Variants in GRAMD1A observed in about 807,000 individuals in gnomAD.
GRAMD1A encodes the protein GRAM domain containing 1A, also known as protein Aster-A.
Under a neutral mutation model 92.0 loss-of-function variants are expected in GRAMD1A, and 50 were observed. That is an observed-to-expected ratio of 0.54 (90% confidence interval 0.43 to 0.69). The LOEUF is 0.69. Ranked by LOEUF, GRAMD1A falls within the 30% of genes least tolerant of loss-of-function variation. GRAMD1A has a pLI of 0.00. For synonymous variants in GRAMD1A, 405 were observed against 403.6 expected (o/e 1.00, Z -0.04); for missense variants, 819 against 978.9 (o/e 0.84, Z 2.18).
chr19:35,003,252 G>A (rs2014545579), intron 1 of GRAMD1A, among the ~76,000 whole-genome samples: 1 of 152,086 alleles, frequency 6.6e-6, no homozygotes, highest in Admixed American at 6.6e-5. Context: ...GACACCTACT[G>A]TGTGACAATC....
At position 35,026,155 on chromosome 19, in the gene GRAMD1A, G is replaced by A. The variant is rs749266597; in HGVS notation, c.*14G>A. 3.8e-5 allele frequency: 52 copies of A among 1,361,330 alleles called. No individual in the cohort carries two copies. Among genetic ancestry groups the A allele is most frequent in the South Asian group, 1.0e-4 (9 of 86,194 alleles). 84.3% of individuals were successfully genotyped at this position (1,361,330 alleles called of 1,614,324 possible). On this transcript the variant is annotated 3_prime_UTR_variant, in exon 20 of 20. Transcript: ENST00000317991. The stretch of plus-strand genomic sequence containing the variant: ...AGCTTTTCCTGAGGACCCCGGCCAC[G>A]CAGCTGTTCCCCCACATGGACAGAT...
chr19:35,015,441 T>C (rs12610239), intron 10 of GRAMD1A: 27,018 of 170,458 alleles, frequency 0.16, 2,931 homozygotes, highest in African/African-American at 0.31. Context: ...AACTTGAGAG[T>C]GTGCCTGCCC....
In GRAMD1A at chr19:35,025,490, G is replaced by A. The variant is rs962601352; in HGVS notation, c.2083-559G>A. Among the ~76,000 whole-genome samples the A allele has an allele frequency of 9.9e-5, 15 of 152,212 alleles. No homozygotes were observed. In the East Asian group the frequency reaches 1.7e-3, roughly 18 times the overall value. ...AACTCCTGACCTTAAGTGATCCACC[G>A]GTCTCAGCCTCCCAAAGTGCTGAGA... On this transcript the variant is annotated intron_variant, in intron 19 of 19. Transcript: ENST00000317991.
Position 35,009,215 on chromosome 19 carries a change from A to G in GRAMD1A, c.105A>G (p.Pro35=), listed in dbSNP as rs764836663. The part of the protein sequence containing the change: ...LLPPSRPPPE[P]EPGTMVEKGS... ...CCCCAAGCCGGCCCCCACCTGAGCC[A>G]GAACCAGGCACCATGGTGGAGAAGG... The change falls in exon 2 of 20, where the codon CCA becomes CCG. Residue 35 remains proline, a synonymous_variant. Transcript: ENST00000317991. 1.2e-6 allele frequency: 2 copies of G among 1,613,686 alleles called. No homozygotes were observed. The highest frequency in any genetic ancestry group is 2.2e-5 in the South Asian group (2 of 91,080).
intron 10 of GRAMD1A, chr19:35,014,762 A>G (rs553891906): frequency 1.5e-4 from 37 of 254,314 alleles, no homozygotes; most frequent in Non-Finnish European, 2.6e-4. Flanking sequence ...GTGATGGCTC[A>G]CACCTGTAAT....
intron 11 of GRAMD1A, among the ~76,000 whole-genome samples, chr19:35,018,643 G>A (rs2015813916): frequency 6.6e-6 from 1 of 152,210 alleles, no homozygotes; most frequent in Admixed American, 6.5e-5. Flanking sequence ...ACCAGATGGG[G>A]AGACTGAGGC....
At chr19:35,020,460 C>T (rs2151731450) in intron 13 of GRAMD1A, among the ~76,000 whole-genome samples, 1 of 152,156 alleles carries the variant, frequency 6.6e-6, no homozygotes, top group East Asian at 1.9e-4. Context: ...ATCACTTGAA[C>T]CTAGGAGGTG....
rs1423776031 is a variant in GRAMD1A at position 35,000,547 on chromosome 19, G to A, written c.8+61G>A. ...GCGCGGGGGAGGCCACCGGAGGGAG[G>A]GGGCGCCGCGGGCTTGGGGAGGGGG... On this transcript the variant is annotated intron_variant, in intron 1 of 19. Coordinates refer to ENST00000317991, the MANE Select transcript of GRAMD1A (RefSeq NM_020895.5). This position sits in a 1 kb window ranked among gnomAD's most constrained non-coding sequence, Gnocchi z 4.9. 1 of 1,216,572 alleles carries A rather than the reference G, an allele frequency of 8.2e-7. No homozygotes were observed. Among genetic ancestry groups the A allele is most frequent in the Non-Finnish European group, 1.0e-6 (1 of 965,948 alleles). The allele number at this position is 1,216,572 out of a possible 1,614,324, so 75.4% of individuals were successfully genotyped here.
In GRAMD1A at chr19:35,011,488, C is replaced by T; in HGVS notation, c.540C>T (p.Ser180=). 1.2e-6 allele frequency: 2 copies of T among 1,610,588 alleles called. No homozygotes were observed. The highest frequency in any genetic ancestry group is 1.1e-5 in the South Asian group (1 of 91,050). ...CTCCCTGACAGCATTTCTTCACTTCCTTTGGGGCCCGTGACCGCTGCTTCC... is the reference window on the plus strand; with the variant it reads ...CTCCCTGACAGCATTTCTTCACTTCTTTTGGGGCCCGTGACCGCTGCTTCC... The part of the protein sequence containing the change: ...CTESEKHFFT[S]FGARDRCFLL... Residue 180 remains serine, a synonymous_variant, in exon 7 of 20, where the codon TCC becomes TCT. Coordinates refer to ENST00000317991, the MANE Select transcript of GRAMD1A (RefSeq NM_020895.5).
rs1568338910 is a variant in GRAMD1A, at chr19:35,021,822, C to G, written c.1711C>G (p.Pro571Ala). The G allele has an allele frequency of 6.2e-7, 1 of 1,607,862 alleles. No individual in the cohort carries two copies. The highest frequency in any genetic ancestry group is 2.2e-5 in the East Asian group (1 of 44,778). The change falls in exon 15 of 20, where the codon CCA becomes GCA. Residue 571 changes from proline to alanine, a missense_variant. Pro to Ala is a conservative substitution (Grantham distance 27). Transcript: ENST00000317991. The surrounding 1 kb of genome is among the most constrained non-coding windows in gnomAD (Gnocchi z 5.3). ...WRAHGDGPQH[P>A]DPDPCARAGI... ...GGCTCACGGGGACGGGCCCCAGCAC[C>G]CAGATCCTGACCCCTGTGCCCGGGC... is the stretch of plus-strand genomic sequence containing the variant.
At chr19:34,996,046 G>A, upstream of GRAMD1A, 1 of 1,535,658 alleles carries the variant, frequency 6.5e-7, no homozygotes, top group South Asian at 1.2e-5. Context: ...TGCCCCTGAT[G>A]CCTTGGGAGA....
chr19:35,002,793 G>A (rs190051988), intron 1 of GRAMD1A: 148 of 152,542 alleles, frequency 9.7e-4, no homozygotes, highest in Admixed American at 1.7e-3. Flanking sequence ...GGATGTGTTG[G>A]CTGACCGTGG....
intron 7 of GRAMD1A, among the ~76,000 whole-genome samples, chr19:35,012,520 C>T (rs1192391956): frequency 6.6e-6 from 1 of 152,214 alleles, no homozygotes; most frequent in Non-Finnish European, 1.5e-5. Flanking sequence ...CCCGAGGACA[C>T]CTGGGAAAAG....
chr19:35,020,014 ACAGCAG>A (rs2015936181), intron 13 of GRAMD1A, among the ~76,000 whole-genome samples: 3 of 141,972 alleles, frequency 2.1e-5, no homozygotes, highest in African/African-American at 9.4e-5. Flanking sequence ...CTCATTTGGG[ACAGCAG>A]GTGCAAAGGC....
At chr19:35,000,041 C>T (rs2014225895), upstream of GRAMD1A, 1 of 985,088 alleles carries the variant, frequency 1.0e-6, no homozygotes, top group Admixed American at 6.1e-5. This position sits in a 1 kb window ranked among gnomAD's most constrained non-coding sequence, Gnocchi z 4.9. Context: ...TGCTAGGGAC[C>T]CTTTTCTAGG....
At chr19:35,009,993 C>T in intron 4 of GRAMD1A, 21 bp downstream of exon 4, 1 of 1,580,894 alleles carries the variant, frequency 6.3e-7, no homozygotes, top group Non-Finnish European at 8.7e-7. Context: ...GACCCCCAGT[C>T]CCAGCTCCTA....
chr19:34,996,040 C>T (rs544937258), upstream of GRAMD1A: 2 of 1,535,424 alleles, frequency 1.3e-6, no homozygotes, highest in South Asian at 2.4e-5. Context: ...ATGTCCTGCC[C>T]CTGATGCCTT....
chr19:35,013,028 G>A lies in GRAMD1A; in HGVS notation c.607-228G>A, dbSNP rs2015350650. The A allele has an allele frequency of 1.8e-6, 1 of 546,788 alleles. No homozygotes were observed. Among genetic ancestry groups the A allele is most frequent in the African/African-American group, 1.9e-5 (1 of 53,408 alleles). The allele number at this position is 546,788 out of a possible 1,614,324, so 33.9% of individuals were successfully genotyped here. A position where few individuals can be genotyped will look rare whatever the true frequency, so the allele number is the denominator to read the frequency against. On this transcript the variant is annotated intron_variant, in intron 7 of 19. Coordinates refer to ENST00000317991, the MANE Select transcript of GRAMD1A (RefSeq NM_020895.5). The surrounding 1 kb of genome is among the most constrained non-coding windows in gnomAD (Gnocchi z 4.9). ...AAAATGGGAACATTCTCTGGCCAGA[G>A]TATTGTGGGGACTTGGGAAGCAGGA...
chr19:35,008,330 T>TG (rs2014973801), intron 1 of GRAMD1A, among the ~76,000 whole-genome samples: 1 of 151,054 alleles, frequency 6.6e-6, no homozygotes, highest in South Asian at 2.1e-4. Context: ...GATTCCGTCT[T>TG]AAAATAAAAT....
Sources: allele counts gnomAD v4.1 joint callset (sites outside exome capture counted in the v4.1 genomes callset), GRCh38; gene constraint gnomAD v4.1.1; non-coding constraint Gnocchi (gnomAD v3.1); transcripts MANE v1.5; gene names NCBI Gene and HGNC (gene_info 2026-07-23, HGNC 2026-07-21).